The following ATXN7 variants were observed in gnomAD, a reference collection of about 807,000 sequenced individuals.
The protein encoded by ATXN7 is ataxin 7, also known as ataxin-7.
In ATXN7, 12 loss-of-function variants were observed where a neutral mutation model predicts 70.5. The observed-to-expected ratio is 0.17, with a 90% CI of 0.11 to 0.28. The LOEUF (loss-of-function observed/expected upper bound fraction) is 0.28, where lower values mean the gene tolerates loss of function less well. ATXN7 is among the 10% of genes least tolerant of loss of function. The pLI is 1.00. For missense variants in ATXN7, 1,256 were observed against 1,131.7 expected (o/e 1.11, Z -1.58); for synonymous variants, 498 against 448.7 (o/e 1.11, Z -1.39).
At chr3:63,929,837 G>A (rs767282301) in intron 4 of ATXN7, among the ~76,000 whole-genome samples, 1 of 152,184 alleles carries the variant, frequency 6.6e-6, no homozygotes, top group Non-Finnish European at 1.5e-5. Flanking sequence ...GCACAAGGCC[G>A]ATGGGAGTTT....
chr3:63,985,494 T>C (rs1424428338), intron 8 of ATXN7, among the ~76,000 whole-genome samples: 2 of 152,232 alleles, frequency 1.3e-5, no homozygotes, highest in Non-Finnish European at 2.9e-5. Context: ...TCCTTTTCCT[T>C]GCCTTCACGT....
chr3:63,927,893 C>T (rs958295507), intron 4 of ATXN7, among the ~76,000 whole-genome samples: 2 of 152,074 alleles, frequency 1.3e-5, no homozygotes, highest in Non-Finnish European at 2.9e-5. Context: ...CTGGCAGCTG[C>T]GATGGCTATT....
intron 5 of ATXN7, among the ~76,000 whole-genome samples, chr3:63,958,774 C>G (rs550148804): frequency 6.6e-6 from 1 of 152,210 alleles, no homozygotes; most frequent in Non-Finnish European, 1.5e-5. Context: ...ATTTCCTGTT[C>G]TTAACAATCC....
chr3:63,919,709 C>T (rs1417043209), intron 4 of ATXN7, among the ~76,000 whole-genome samples: 1 of 150,294 alleles, frequency 6.7e-6, no homozygotes, highest in Admixed American at 6.6e-5. Context: ...ATTAACTCGT[C>T]ATTTAGCATT....
chr3:63,992,106 G>A (rs1279287081), intron 11 of ATXN7, among the ~76,000 whole-genome samples: 1 of 152,112 alleles, frequency 6.6e-6, no homozygotes, highest in Non-Finnish European at 1.5e-5. Context: ...CTCCTTAAAT[G>A]GACTCTGCCA....
rs1277208562 is a variant in ATXN7 at position 63,912,673 on chromosome 3, C to T, written c.75C>T (p.Ala25=). Reference sequence around the variant, plus strand: ...CGGCGGCGGCGGGCGGAGCAGCGGCCGCGGCCGCCCGGCAGCAGCAGCAGC... The same window carrying T: ...CGGCGGCGGCGGGCGGAGCAGCGGCTGCGGCCGCCCGGCAGCAGCAGCAGC... ...RAAAAAGGAA[A]AAARQQQQQQ... is the part of the protein sequence containing the mutation. The change falls in exon 3 of 13, where the codon GCC becomes GCT. Residue 25 remains alanine, a synonymous_variant. Transcript: ENST00000674280. 5 of 1,062,198 alleles carry T rather than the reference C, an allele frequency of 4.7e-6. No homozygotes were observed. The highest frequency in any genetic ancestry group is 8.2e-5 in the East Asian group (1 of 12,264). 65.8% of individuals were successfully genotyped at this position (1,062,198 alleles called of 1,614,324 possible). A position where few individuals can be genotyped will look rare whatever the true frequency, so the allele number is the denominator to read the frequency against.
chr3:63,907,220 G>A lies in ATXN7; in HGVS notation c.-11-5368G>A, dbSNP rs113899166. 2.7e-3 allele frequency among the ~76,000 whole-genome samples: 414 copies of A among 152,248 alleles called. 1 individual carries two copies. Among genetic ancestry groups the A allele is most frequent in the African/African-American group, 8.6e-3 (359 of 41,556 alleles). The stretch of plus-strand genomic sequence containing the variant: ...TGATTTCCCCAGAGTTACACAGCTC[G>A]TAGTGGTAGAAGTGGGATTCAGCCT... On this transcript the variant is annotated intron_variant, in intron 2 of 12. Coordinates refer to ENST00000674280, the MANE Select transcript of ATXN7 (RefSeq NM_001377405.1).
chr3:63,990,143 A>T (rs2075645717), intron 9 of ATXN7, 33 bp from the exon 10 acceptor site: 4 of 1,606,788 alleles, frequency 2.5e-6, no homozygotes, highest in Non-Finnish European at 3.4e-6. Flanking sequence ...CAGGTGTGTG[A>T]TCTGATCCGT....
chr3:63,912,983 C>T (rs1704111633), intron 3 of ATXN7, 60 bp downstream of exon 3: 14 of 1,337,566 alleles, frequency 1.0e-5, no homozygotes, highest in African/African-American at 1.5e-5. Flanking sequence ...TCTCTCCTCC[C>T]CTCCCCCCTG....
chr3:63,949,191 C>A (rs1053736318), intron 4 of ATXN7, among the ~76,000 whole-genome samples: 4 of 151,822 alleles, frequency 2.6e-5, no homozygotes, highest in African/African-American at 9.7e-5. Context: ...CCACAACATT[C>A]CACACTCTGT....
At chr3:63,892,117 G>A (rs1474901698) in intron 1 of ATXN7, among the ~76,000 whole-genome samples, 1 of 152,138 alleles carries the variant, frequency 6.6e-6, no homozygotes, top group Non-Finnish European at 1.5e-5. Context: ...AGCGAAAATT[G>A]TTCTTATTGG....
At chr3:63,996,526 C>A in intron 12 of ATXN7, 43 bp downstream of exon 12, 1 of 1,578,374 alleles carries the variant, frequency 6.3e-7, no homozygotes, top group Non-Finnish European at 8.6e-7. Flanking sequence ...CCCATTTCTT[C>A]TCCCTTAAGA....
chr3:63,966,936 A>G (rs1448361314), intron 5 of ATXN7, among the ~76,000 whole-genome samples: 1 of 152,090 alleles, frequency 6.6e-6, no homozygotes, highest in Admixed American at 6.5e-5. Flanking sequence ...AGTTTTTTCC[A>G]TGTCACTTGT....
At chr3:63,997,683 A>G in intron 12 of ATXN7, 1 of 1,552,088 alleles carries the variant, frequency 6.4e-7, no homozygotes, top group Non-Finnish European at 8.7e-7. Flanking sequence ...GCCCTGACTT[A>G]AAATGTGAGG....
intron 12 of ATXN7, 62 bp downstream of exon 12, chr3:63,996,545 C>G: frequency 6.7e-7 from 1 of 1,500,832 alleles, no homozygotes; most frequent in Non-Finnish European, 9.0e-7. Context: ...GATCTTTTGT[C>G]AGCTCAGAAA....
intron 1 of ATXN7, among the ~76,000 whole-genome samples, chr3:63,873,168 C>T (rs930991331): frequency 2.0e-5 from 3 of 152,046 alleles, no homozygotes; most frequent in East Asian, 3.9e-4. Context: ...TAAATTTTAT[C>T]CCCCCAATTT....
In ATXN7 at chr3:64,001,638, A is replaced by T. The variant is rs2075834382; in HGVS notation, c.*2171A>T. ...GCAAGTATTGAACATTTGATTTCTT[A>T]GACTGAGGTTTTAAATGAATTTCAT... On this transcript the variant is annotated 3_prime_UTR_variant, in exon 13 of 13. Coordinates refer to ENST00000674280, the MANE Select transcript of ATXN7 (RefSeq NM_001377405.1). 6.6e-6 allele frequency: 1 copy of T among 152,236 alleles called. No homozygotes were observed. Among genetic ancestry groups the T allele is most frequent in the Admixed American group, 6.5e-5 (1 of 15,284 alleles). The allele number at this position is 152,236 out of a possible 1,614,324, so 9.4% of individuals were successfully genotyped here.
At position 63,996,024 on chromosome 3, in the gene ATXN7, T is replaced by C. The variant is rs764701449; in HGVS notation, c.2202T>C (p.Phe734=). 1.4e-5 allele frequency: 22 copies of C among 1,614,030 alleles called. No individual in the cohort carries two copies. The highest frequency in any genetic ancestry group is 6.7e-5 in the East Asian group (3 of 44,888). The change falls in exon 12 of 13, where the codon TTT becomes TTC. Residue 734 remains phenylalanine, a synonymous_variant. Transcript: ENST00000674280. ...CTTCTTCTCATTCCATGGAGTCTTT[T>C]AGGAAAAACTGTGTGGCTCACTCTG... ...SSSSSHSMES[F]RKNCVAHSGP...
At chr3:63,932,569 G>A (rs900830918) in intron 4 of ATXN7, among the ~76,000 whole-genome samples, 2 of 152,146 alleles carry the variant, frequency 1.3e-5, no homozygotes, top group African/African-American at 4.8e-5. Context: ...TAGGGTAAAG[G>A]TAAAACTACT....
Sources: allele counts gnomAD v4.1 joint callset (sites outside exome capture counted in the v4.1 genomes callset), GRCh38; gene constraint gnomAD v4.1.1; transcripts MANE v1.5; gene names NCBI Gene and HGNC (gene_info 2026-07-23, HGNC 2026-07-21).